Variants in ACP2 observed in about 807,000 individuals in gnomAD.
ACP2 encodes the protein lysosomal acid phosphatase.
A neutral mutation model predicts 54.7 loss-of-function variants in ACP2; 35 were observed. The observed-to-expected ratio is 0.64, with a 90% CI of 0.49 to 0.85. ACP2 has a LOEUF of 0.85. Among genes scored for constraint, ACP2 ranks in the 40% least tolerant of loss-of-function variants. The probability of loss-of-function intolerance (pLI) is 0.00; values close to 1 mark genes in which losing one functional copy is unlikely to be tolerated. For synonymous variants in ACP2, 210 were observed against 224.4 expected (o/e 0.94, Z 0.57); for missense variants, 492 against 565.0 (o/e 0.87, Z 1.31).
intron 7 of ACP2, 55 bp from the exon 8 acceptor site, chr11:47,243,376 T>G (rs112195368): frequency 8.1e-6 from 12 of 1,480,636 alleles, no homozygotes; most frequent in Non-Finnish European, 1.1e-5. Context: ...GCCTTCTAAT[T>G]AGACCTATCT....
In ACP2 at chr11:47,248,735, C is replaced by T; in HGVS notation, c.55G>A (p.Gly19Ser). The T allele has an allele frequency of 1.2e-6, 2 of 1,610,832 alleles. No homozygotes were observed. The highest frequency in any genetic ancestry group is 1.1e-5 in the South Asian group (1 of 90,236). Residue 19 changes from glycine to serine, a missense_variant, in exon 1 of 11, where the codon GGC becomes AGC. Gly to Ser is a moderately conservative substitution (Grantham distance 56). Transcript: ENST00000672073. ...GGCGGCATCACCACCAGGTTCACGCCGAGAAGGAGCTGGAGGAGAGCCGCC... is the reference window on the plus strand; with the variant it reads ...GGCGGCATCACCACCAGGTTCACGCTGAGAAGGAGCTGGAGGAGAGCCGCC... ...SRAALLQLLL[G>S]VNLVVMPPTR...
At chr11:47,242,430 A>G (rs1050853809) in intron 10 of ACP2, among the ~76,000 whole-genome samples, 13 of 152,144 alleles carry the variant, frequency 8.5e-5, no homozygotes, top group African/African-American at 3.1e-4. Flanking sequence ...AGATGAGGAG[A>G]GAACCCAAGT....
At chr11:47,245,213 G>T in intron 6 of ACP2, 92 bp downstream of exon 6, 2 of 1,373,080 alleles carry the variant, frequency 1.5e-6, no homozygotes, top group Non-Finnish European at 2.1e-6. Flanking sequence ...CCAGGGGCGT[G>T]ACGGTATCAG....
Position 47,245,588 on chromosome 11 carries a change from G to A in ACP2, c.451-16C>T. ...ACTTCAGCAGCTGTAGAGCGAAGCG[G>A]GGAAACAGGCAGCGGGAAAAGGAGC... is the stretch of plus-strand genomic sequence containing the variant. On this transcript the variant is annotated splice_polypyrimidine_tract_variant and intron_variant, in intron 4 of 10. Coordinates refer to ENST00000672073, the MANE Select transcript of ACP2 (RefSeq NM_001610.4). 1 of 1,614,236 alleles carries A rather than the reference G, an allele frequency of 6.2e-7. No homozygotes were observed. Among genetic ancestry groups the A allele is most frequent in the Middle Eastern group, 1.6e-4 (1 of 6,062 alleles).
intron 7 of ACP2, among the ~76,000 whole-genome samples, 190 bp from the exon 8 acceptor site, chr11:47,243,511 A>G (rs890495260): frequency 1.3e-5 from 2 of 152,242 alleles, no homozygotes; most frequent in Admixed American, 6.5e-5. Context: ...AATGTACAGA[A>G]GGAAGCAAGA....
Position 47,239,453 on chromosome 11 carries a change from C to T in ACP2, c.*663G>A. The T allele has an allele frequency of 6.0e-6, 1 of 168,020 alleles. No homozygotes were observed. Among genetic ancestry groups the T allele is most frequent in the Admixed American group, 5.8e-5 (1 of 17,108 alleles). 10.4% of individuals were successfully genotyped at this position (168,020 alleles called of 1,614,324 possible). On this transcript the variant is annotated 3_prime_UTR_variant, in exon 11 of 11. Coordinates refer to ENST00000672073, the MANE Select transcript of ACP2 (RefSeq NM_001610.4). Reference sequence around the variant, plus strand: ...AGCCCAGCTGAGGGAGAGCAGTTTCCTGATTCGTGTGACAAGCAACTCCCT... The same window carrying T: ...AGCCCAGCTGAGGGAGAGCAGTTTCTTGATTCGTGTGACAAGCAACTCCCT...
rs1430116244 is a variant in ACP2, at chr11:47,242,580, G to C, written c.1138+143C>G. 3.4e-6 allele frequency: 3 copies of C among 875,732 alleles called. No individual in the cohort carries two copies. The East Asian group carries it at 7.5e-5, about 22-fold the overall frequency. The allele number at this position is 875,732 out of a possible 1,614,324, so 54.2% of individuals were successfully genotyped here. On this transcript the variant is annotated intron_variant, in intron 10 of 10. Transcript: ENST00000672073. ...ACCCGAGGGTGAGAAGTGGGGAGAA[G>C]GTATAAAGCAGTCTGGGGTCGGGGA...
Position 47,247,653 on chromosome 11 carries a change from A to T in ACP2, c.285T>A (p.Tyr95Ter). 6.2e-7 allele frequency: 1 copy of T among 1,614,208 alleles called. No homozygotes were observed. Among genetic ancestry groups the T allele is most frequent in the East Asian group, 2.2e-5 (1 of 44,886 alleles). The change falls in exon 3 of 11, where the codon TAT becomes TAA. Residue 95 changes from tyrosine (Y) to a stop codon, truncating the protein, a stop_gained. Transcript: ENST00000672073. LOFTEE classifies it high-confidence loss of function. ...QRYHGFLNTS[Y>*]HRQEVYVRST... is the part of the protein sequence containing the mutation. ...CTCCCAACCTTACCTCTTGCCGGTG[A>T]TAAGAGGTGTTTAGGAAGCCGTGAT...
chr11:47,244,608 G>A (rs1289016139), intron 7 of ACP2, 127 bp downstream of exon 7: 16 of 633,172 alleles, frequency 2.5e-5, no homozygotes, highest in Admixed American at 5.4e-5. Flanking sequence ...CATGAGGAGG[G>A]GGATTTGGTT....
chr11:47,248,769 G>A lies in ACP2; in HGVS notation c.21C>T (p.Gly7=), dbSNP rs768019400. MAGKRS[G]WSRAALLQLL... ...GCTGGAGGAGAGCCGCCCGGCTCCA[G>A]CCGGACCGCTTGCCCGCCATCACCG... Residue 7 remains glycine (G), a synonymous_variant, in exon 1 of 11, where the codon GGC becomes GGT. Transcript: ENST00000672073. The A allele has an allele frequency of 2.5e-6, 4 of 1,599,896 alleles. No homozygotes were observed. Among genetic ancestry groups the A allele is most frequent in the East Asian group, 4.5e-5 (2 of 44,330 alleles).
chr11:47,248,136 G>C lies in ACP2; in HGVS notation c.115-3C>G. 1 of 1,596,318 alleles carries C rather than the reference G, an allele frequency of 6.3e-7. No homozygotes were observed. Among genetic ancestry groups the C allele is most frequent in the South Asian group, 1.1e-5 (1 of 87,984 alleles). The stretch of plus-strand genomic sequence containing the variant: ...GAACGGTCTCCATGGCGGTACAGCT[G>C]AGAGAATAAAATGGTTTGCCTATAG... On this transcript the variant is annotated splice_region_variant and splice_polypyrimidine_tract_variant and intron_variant, in intron 1 of 10. Transcript: ENST00000672073.
rs774500334 is a variant in ACP2 at position 47,244,738 on chromosome 11, CCT to C, written c.767_768del (p.Gln256ArgfsTer47). On this transcript the variant is annotated frameshift_variant, in exon 7 of 11. Coordinates refer to ENST00000672073, the MANE Select transcript of ACP2 (RefSeq NM_001610.4). LOFTEE classifies it high-confidence loss of function. ...IYQQAEKARL[Q>X]GGVLLAQIRK... Reference sequence around the variant, plus strand: ...ACACGCTGTCCTTGTCACTCACCCCCCTGAAGCCGGGCCTTCTCCGCCTGCTG... The same window carrying C: ...ACACGCTGTCCTTGTCACTCACCCCCGAAGCCGGGCCTTCTCCGCCTGCTG... The C allele has an allele frequency of 8.7e-6, 14 of 1,604,434 alleles. No homozygotes were observed. The East Asian group carries it at 2.9e-4, about 33-fold the overall frequency.
At chr11:47,246,401 C>A (rs1267965165) in intron 3 of ACP2, among the ~76,000 whole-genome samples, 3 of 151,330 alleles carry the variant, frequency 2.0e-5, no homozygotes, top group South Asian at 2.1e-4. Context: ...CATAGTGAGA[C>A]CCTGTCTCTA....
intron 1 of ACP2, 71 bp from the exon 2 acceptor site, chr11:47,248,204 G>T: frequency 7.0e-7 from 1 of 1,433,394 alleles, no homozygotes; most frequent in Non-Finnish European, 9.5e-7. Context: ...CCTACCTTTT[G>T]CCCCATGTTA....
chr11:47,248,331 G>T, intron 1 of ACP2, 198 bp from the exon 2 acceptor site: 1 of 1,106,512 alleles, frequency 9.0e-7, no homozygotes, highest in Non-Finnish European at 1.3e-6. Flanking sequence ...TGCTACTGGA[G>T]ACCATAGGCA....
In ACP2 at chr11:47,245,784, G is replaced by C. The variant is rs1185023849; in HGVS notation, c.348C>G (p.Ala116=). The C allele has an allele frequency of 1.2e-6, 2 of 1,610,210 alleles. No individual in the cohort carries two copies. The highest frequency in any genetic ancestry group is 1.7e-5 in the Admixed American group (1 of 59,462). ...TGGGAGGGAAGAGTCCAGCCAGGTT[G>C]GCCTCAGCACTCATGAGAGTCCGGT... ...DFDRTLMSAE[A]NLAGLFPPNG... is the part of the protein sequence containing the mutation. Residue 116 remains alanine (A), a synonymous_variant, in exon 4 of 11, where the codon GCC becomes GCG. Transcript: ENST00000672073.
At position 47,245,852 on chromosome 11, in the gene ACP2, C is replaced by A; in HGVS notation, c.298-18G>T. On this transcript the variant is annotated intron_variant, in intron 3 of 10. Coordinates refer to ENST00000672073, the MANE Select transcript of ACP2 (RefSeq NM_001610.4). ...ACATAAACCTGCAGCGATAGCAACA[C>A]AAGTCGTGTGTGTGTGTGTGTGTGT... 6.4e-6 allele frequency: 9 copies of A among 1,398,376 alleles called. No individual in the cohort carries two copies. Among genetic ancestry groups the A allele is most frequent in the Non-Finnish European group, 8.3e-6 (9 of 1,078,532 alleles). 86.6% of individuals were successfully genotyped at this position (1,398,376 alleles called of 1,614,324 possible).
intron 10 of ACP2, among the ~76,000 whole-genome samples, chr11:47,242,417 C>T (rs898628963): frequency 2.6e-5 from 4 of 152,094 alleles, no homozygotes; most frequent in African/African-American, 9.7e-5. Context: ...GAGCTCCTTG[C>T]AGAGATGAGG....
intron 7 of ACP2, among the ~76,000 whole-genome samples, chr11:47,244,418 G>C (rs1010347152): frequency 6.6e-6 from 1 of 152,166 alleles, no homozygotes; most frequent in Non-Finnish European, 1.5e-5. Context: ...AGAAGACTGA[G>C]GCAGGAGAAT....
Sources: allele counts gnomAD v4.1 joint callset (sites outside exome capture counted in the v4.1 genomes callset), GRCh38; gene constraint gnomAD v4.1.1; transcripts MANE v1.5; gene names NCBI Gene and HGNC (gene_info 2026-07-23, HGNC 2026-07-21).